IL1RAPL2: variants seen among roughly 807,000 people sequenced by gnomAD.
IL1RAPL2 encodes X-linked interleukin-1 receptor accessory protein-like 2.
A neutral mutation model predicts 44.1 loss-of-function variants in IL1RAPL2; 3 were observed. That is an observed-to-expected ratio of 0.07 (90% confidence interval 0.03 to 0.18). The LOEUF is 0.18. Ranked by LOEUF, IL1RAPL2 falls within the 10% of genes least tolerant of loss-of-function variation. The probability of loss-of-function intolerance (pLI) is 1.00; values close to 1 mark genes in which losing one functional copy is unlikely to be tolerated. For missense variants in IL1RAPL2, 391 were observed against 496.4 expected (o/e 0.79, Z 2.02); for synonymous variants, 181 against 178.8 (o/e 1.01, Z -0.10).
chrX:105,075,448 A>T (rs1314451478), intron 2 of IL1RAPL2, among the ~76,000 whole-genome samples: 1 of 111,382 alleles, frequency 9.0e-6, no homozygotes, highest in African/African-American at 3.3e-5. Context: ...GTTTGCCAGT[A>T]TTTTATTGAG....
At chrX:104,816,200 A>G (rs1178108889) in intron 2 of IL1RAPL2, among the ~76,000 whole-genome samples, 2 of 111,937 alleles carry the variant, frequency 1.8e-5, no homozygotes, top group Non-Finnish European at 3.8e-5. Flanking sequence ...GGTCAGAGCC[A>G]TGGATTTAAT....
intron 5 of IL1RAPL2, among the ~76,000 whole-genome samples, chrX:105,330,982 A>G (rs1246289718): frequency 1.8e-5 from 2 of 111,949 alleles, no homozygotes; most frequent in Non-Finnish European, 3.8e-5. Context: ...AAATGGGGCT[A>G]ATAATAGCAC....
intron 1 of IL1RAPL2, among the ~76,000 whole-genome samples, chrX:104,579,242 C>T (rs898613392): frequency 8.9e-6 from 1 of 111,826 alleles, no homozygotes; most frequent in African/African-American, 3.3e-5. Context: ...AATTCCATTA[C>T]TGGGTACATG....
At chrX:104,904,248 T>C (rs1569338627) in intron 2 of IL1RAPL2, among the ~76,000 whole-genome samples, 1 of 109,421 alleles carries the variant, frequency 9.1e-6, no homozygotes, top group Non-Finnish European at 1.9e-5. Flanking sequence ...TATATATGCA[T>C]ACACACACAC....
intron 2 of IL1RAPL2, among the ~76,000 whole-genome samples, chrX:104,722,867 T>C (rs1331651567): frequency 1.8e-5 from 2 of 111,791 alleles, no homozygotes; most frequent in East Asian, 2.8e-4. Flanking sequence ...GCATATATGA[T>C]AATATAATGC....
chrX:105,582,138 AG>A (rs2037093518), intron 6 of IL1RAPL2, among the ~76,000 whole-genome samples: 1 of 112,057 alleles, frequency 8.9e-6, no homozygotes, highest in African/African-American at 3.2e-5. Flanking sequence ...GTATAAACTT[AG>A]ATAAGTTCTG....
Position 104,597,441 on chromosome X carries a change from G to A in IL1RAPL2, c.-20+30390G>A, listed in dbSNP as rs1474903953. On this transcript the variant is annotated intron_variant, in intron 1 of 10. Coordinates refer to ENST00000372582, the MANE Select transcript of IL1RAPL2 (RefSeq NM_017416.2). ...AAAATGAGGGATGGGTTAGAGGAAG[G>A]CAGACCACTTTTGAGGCTTTGGTAA... is the stretch of plus-strand genomic sequence containing the variant. Among the ~76,000 whole-genome samples the A allele has an allele frequency of 3.6e-5, 4 of 111,346 alleles. No individual in the cohort carries two copies. The East Asian group carries it at 1.1e-3, about 31-fold the overall frequency.
At chrX:105,574,003 A>T (rs1310993382) in intron 6 of IL1RAPL2, among the ~76,000 whole-genome samples, 1 of 111,631 alleles carries the variant, frequency 9.0e-6, no homozygotes, top group African/African-American at 3.3e-5. Flanking sequence ...ACCACTAAGG[A>T]TATTGAAAAG....
chrX:104,953,895 T>C (rs930873516), intron 2 of IL1RAPL2, among the ~76,000 whole-genome samples: 1 of 111,603 alleles, frequency 9.0e-6, no homozygotes, highest in Non-Finnish European at 1.9e-5. Flanking sequence ...ATTTCTCTTT[T>C]TTGCACTTTC....
chrX:105,156,772 A>T (rs1317339082), intron 2 of IL1RAPL2, among the ~76,000 whole-genome samples: 1 of 112,458 alleles, frequency 8.9e-6, no homozygotes, highest in Non-Finnish European at 1.9e-5. Context: ...CTCTACAAAC[A>T]AAATATTTAT....
intron 9 of IL1RAPL2, among the ~76,000 whole-genome samples, chrX:105,753,982 C>T (rs1003835170): frequency 6.3e-5 from 7 of 111,903 alleles, no homozygotes; most frequent in Non-Finnish European, 1.1e-4. Flanking sequence ...TTTATTCCTC[C>T]TTCAGCATGT....
At chrX:104,752,552 CTATT>C (rs1932277986) in intron 2 of IL1RAPL2, among the ~76,000 whole-genome samples, 2 of 110,379 alleles carry the variant, frequency 1.8e-5, no homozygotes, top group Non-Finnish European at 3.8e-5. Flanking sequence ...TGGCAATCAT[CTATT>C]TGAGTCATGT....
At chrX:104,909,896 T>C (rs1053185572) in intron 2 of IL1RAPL2, among the ~76,000 whole-genome samples, 5 of 112,517 alleles carry the variant, frequency 4.4e-5, no homozygotes, top group African/African-American at 6.4e-5. Context: ...TCGAGCTTCC[T>C]GGCTGCTTTG....
At chrX:104,596,200 A>G (rs1923286) in intron 1 of IL1RAPL2, among the ~76,000 whole-genome samples, 37,289 of 110,623 alleles carry the variant, frequency 0.34, 5,457 homozygotes, top group East Asian at 0.55. Context: ...ATTTGAAGTA[A>G]TAGGTGAACA....
chrX:104,886,119 G>A, intron 2 of IL1RAPL2, among the ~76,000 whole-genome samples: 1 of 112,968 alleles, frequency 8.9e-6, no homozygotes, highest in Non-Finnish European at 1.9e-5. Flanking sequence ...AATAATGCTG[G>A]GACAGCCTGT....
chrX:104,766,901 T>C (rs186272543), intron 2 of IL1RAPL2, among the ~76,000 whole-genome samples: 2 of 112,434 alleles, frequency 1.8e-5, no homozygotes, highest in African/African-American at 6.5e-5. Context: ...GGCATTTAGC[T>C]GTCCCAGTTT....
At chrX:105,175,701 C>T (rs1291655568) in intron 2 of IL1RAPL2, among the ~76,000 whole-genome samples, 2 of 110,729 alleles carry the variant, frequency 1.8e-5, no homozygotes, top group Non-Finnish European at 3.8e-5. Flanking sequence ...TATTCAAATA[C>T]TGCAAATAAC....
intron 5 of IL1RAPL2, among the ~76,000 whole-genome samples, chrX:105,270,588 T>A (rs1311997785): frequency 1.8e-5 from 2 of 112,298 alleles, no homozygotes; most frequent in Admixed American, 1.9e-4. Flanking sequence ...GTATCATATT[T>A]GTGTATTTAT....
intron 3 of IL1RAPL2, among the ~76,000 whole-genome samples, chrX:105,225,800 T>A (rs147179725): frequency 0.01 from 1,114 of 109,282 alleles, 6 homozygotes; most frequent in Non-Finnish European, 0.016. Context: ...GATTCTCCCA[T>A]CTCAGCCTAC....
Sources: allele counts gnomAD v4.1 joint callset (sites outside exome capture counted in the v4.1 genomes callset), GRCh38; gene constraint gnomAD v4.1.1; transcripts MANE v1.5; gene names NCBI Gene and HGNC (gene_info 2026-07-23, HGNC 2026-07-21).